The following CCN5 variants were observed in gnomAD, a reference collection of about 807,000 sequenced individuals.
CCN5 encodes cellular communication network factor 5.
A neutral mutation model predicts 18.7 loss-of-function variants in CCN5; 17 were observed. That is an observed-to-expected ratio of 0.91 (90% CI 0.62 to 1.36). The LOEUF is 1.36. Among genes scored for constraint, CCN5 ranks in the 40% most tolerant of loss-of-function variants. CCN5 has a pLI of 0.00. For synonymous variants in CCN5, 135 were observed against 145.2 expected, an observed-to-expected ratio of 0.93 and a Z score of 0.50; for missense variants, 367 against 342.9, an observed-to-expected ratio of 1.07 and a Z score of -0.56.
intron 1 of CCN5, among the ~76,000 whole-genome samples, chr20:44,715,688 C>G (rs1178596210): frequency 6.6e-6 from 1 of 152,204 alleles, no homozygotes; most frequent in African/African-American, 2.4e-5. Context: ...CAGCATCTTC[C>G]CAGGTGAAGG....
chr20:44,717,150 G>A (rs1297613459), intron 1 of CCN5, among the ~76,000 whole-genome samples: 1 of 152,160 alleles, frequency 6.6e-6, no homozygotes, highest in Non-Finnish European at 1.5e-5. Flanking sequence ...TCCTGATTCT[G>A]TCTCTTACTG....
intron 1 of CCN5, among the ~76,000 whole-genome samples, chr20:44,719,515 A>G (rs1291127803): frequency 6.6e-6 from 1 of 152,090 alleles, no homozygotes; most frequent in East Asian, 1.9e-4. Flanking sequence ...ATTGCCAGGC[A>G]TGGTGGTGGG....
Position 44,724,860 on chromosome 20 carries a change from T to C in CCN5, c.400T>C (p.Cys134Arg). Residue 134 changes from cysteine (C) to arginine (R), a missense_variant, in exon 3 of 4, where the codon TGC becomes CGC. Coordinates refer to ENST00000190983, the MANE Select transcript of CCN5 (RefSeq NM_003881.4). ...CGGCGGCTTCACCTGCGTGCCGCTG[T>C]GCAGCGAGGATGTGCGGCTGCCCAG... ...EDGGFTCVPLCSEDVRLPSWD... is the reference protein window; with the variant it reads ...EDGGFTCVPLRSEDVRLPSWD... 6.3e-7 allele frequency: 1 copy of C among 1,597,002 alleles called. No individual in the cohort carries two copies. The highest frequency in any genetic ancestry group is 8.5e-7 in the Non-Finnish European group (1 of 1,172,916).
chr20:44,715,341 A>G (rs2065851724), upstream of CCN5: 6 of 1,559,214 alleles, frequency 3.8e-6, no homozygotes, highest in Admixed American at 1.9e-5. Context: ...GCCGGAACAT[A>G]AAGACTCACA....
Position 44,719,954 on chromosome 20 carries a change from CCGCTGGG to C in CCN5, c.119_125del (p.Pro40GlnfsTer61). 6.2e-7 allele frequency: 1 copy of C among 1,613,922 alleles called. No individual in the cohort carries two copies. Among genetic ancestry groups the C allele is most frequent in the Non-Finnish European group, 8.5e-7 (1 of 1,179,944 alleles). ...CTGCCCCTGGCCACCTCCCCGATGCCCGCTGGGAGTACCCCTGGTGCTGGATGGCTGT... is the reference window on the plus strand; with the variant it reads ...CTGCCCCTGGCCACCTCCCCGATGCCAGTACCCCTGGTGCTGGATGGCTGT... On this transcript the variant is annotated frameshift_variant, in exon 2 of 4. Coordinates refer to ENST00000190983, the MANE Select transcript of CCN5 (RefSeq NM_003881.4). LOFTEE classifies it high-confidence loss of function.
At chr20:44,715,290 C>T (rs1262349303), upstream of CCN5, 29 of 1,033,462 alleles carry the variant, frequency 2.8e-5, 1 homozygote, top group South Asian at 1.4e-4. Context: ...CGTGTGTACT[C>T]GTGCGTGTGC....
intron 3 of CCN5, among the ~76,000 whole-genome samples, chr20:44,726,885 C>T (rs2065939280): frequency 6.6e-6 from 1 of 152,220 alleles, no homozygotes; most frequent in Non-Finnish European, 1.5e-5. Context: ...GGAAATCTTA[C>T]AAGTACCAGG....
intron 2 of CCN5, chr20:44,721,222 AC>A (rs1237301168): frequency 1.3e-5 from 2 of 152,050 alleles, no homozygotes; most frequent in East Asian, 3.8e-4. Flanking sequence ...TTAAAAAACA[AC>A]AGGCCAGGCA....
chr20:44,725,650 G>T (rs568024139), intron 3 of CCN5, among the ~76,000 whole-genome samples: 2 of 151,726 alleles, frequency 1.3e-5, no homozygotes, highest in African/African-American at 4.8e-5. Context: ...TAAGCTCTTA[G>T]AATATATAAT....
chr20:44,720,290 C>T (rs2065890441), intron 2 of CCN5, 177 bp downstream of exon 2: 2 of 675,668 alleles, frequency 3.0e-6, no homozygotes, highest in Non-Finnish European at 2.5e-6. Context: ...CCTCCTCTCC[C>T]TTCTTGGCCT....
At chr20:44,724,711 G>A (rs769020342) in intron 2 of CCN5, 27 bp from the exon 3 acceptor site, 7 of 1,611,488 alleles carry the variant, frequency 4.3e-6, no homozygotes, top group Non-Finnish European at 5.9e-6. Flanking sequence ...GCGGGTCACC[G>A]ATGGGGGTGC....
chr20:44,716,007 A>G (rs2065857398), intron 1 of CCN5, among the ~76,000 whole-genome samples: 1 of 152,244 alleles, frequency 6.6e-6, no homozygotes, highest in Non-Finnish European at 1.5e-5. Context: ...CATTCACCAA[A>G]GAGCCTGTGG....
At chr20:44,715,029 A>G, upstream of CCN5, 1 of 256,238 alleles carries the variant, frequency 3.9e-6, no homozygotes, top group Non-Finnish European at 7.7e-6. Context: ...GGAGCTGGAG[A>G]GGCCTCTGCA....
intron 3 of CCN5, 63 bp downstream of exon 3, chr20:44,725,055 G>A: frequency 2.8e-6 from 4 of 1,454,086 alleles, no homozygotes; most frequent in Non-Finnish European, 3.6e-6. Flanking sequence ...GCCACCTAGG[G>A]GGTGGGGTGG....
rs76874129 is a variant in CCN5, at chr20:44,724,686, A to G, written c.278-52A>G. On this transcript the variant is annotated intron_variant, in intron 2 of 3. Transcript: ENST00000190983. ...CGGGATCTGGGCAGCTCTGCAGAGAAGGCTGTGCCGCTTTGCGGGTCACCG... is the reference window on the plus strand; with the variant it reads ...CGGGATCTGGGCAGCTCTGCAGAGAGGGCTGTGCCGCTTTGCGGGTCACCG... The G allele has an allele frequency of 4.2e-3, 6,684 of 1,608,106 alleles. 196 individuals carry two copies. The African/African-American group carries it at 0.07, about 17-fold the overall frequency.
chr20:44,723,487 C>A (rs1333898988), intron 2 of CCN5, among the ~76,000 whole-genome samples: 2 of 152,020 alleles, frequency 1.3e-5, no homozygotes, highest in Admixed American at 1.3e-4. Context: ...AGAGTTGGAA[C>A]CTAAGTATGT....
intron 1 of CCN5, among the ~76,000 whole-genome samples, chr20:44,717,123 T>A (rs1340547254): frequency 2.6e-5 from 4 of 152,198 alleles, no homozygotes; most frequent in Non-Finnish European, 5.9e-5. Flanking sequence ...GGATGTCAAC[T>A]TGAACTTGGA....
chr20:44,727,145 G>A lies in CCN5; in HGVS notation c.591G>A (p.Trp197Ter). The A allele has an allele frequency of 1.2e-6, 2 of 1,613,104 alleles. No individual in the cohort carries two copies. Among genetic ancestry groups the A allele is most frequent in the Non-Finnish European group, 1.7e-6 (2 of 1,179,514 alleles). ...CCCCTGGTGTCCCCTGCCCAGAATG[G>A]AGCACGGCCTGGGGACCCTGCTCGA... ...SLPPGVPCPE[W>*]STAWGPCSTT... The change falls in exon 4 of 4, where the codon TGG (tryptophan) becomes TGA (stop). Residue 197 changes from tryptophan (W) to a stop codon, truncating the protein, a stop_gained. Coordinates refer to ENST00000190983, the MANE Select transcript of CCN5 (RefSeq NM_003881.4). LOFTEE classifies it low-confidence loss of function (END_TRUNC).
chr20:44,720,675 A>G (rs1334824446), intron 2 of CCN5: 2 of 156,688 alleles, frequency 1.3e-5, no homozygotes, highest in African/African-American at 4.8e-5. Flanking sequence ...GCTCTAAGGA[A>G]CAGTTTATTC....
Sources: gnomAD v4.1 joint callset for allele counts (sites outside exome capture counted in the v4.1 genomes callset) on GRCh38, gnomAD v4.1.1 for gene constraint, MANE v1.5 for transcripts, NCBI Gene and HGNC (gene_info 2026-07-23, HGNC 2026-07-21) for gene names.